MAPK8IP3: variants seen among roughly 807,000 people sequenced by gnomAD.
MAPK8IP3 encodes C-Jun-amino-terminal kinase-interacting protein 3.
A neutral mutation model predicts 157.8 loss-of-function variants in MAPK8IP3; 49 were observed. The observed-to-expected ratio is 0.31, with a 90% CI of 0.25 to 0.39. The LOEUF is 0.39. Ranked by LOEUF, MAPK8IP3 falls within the 10% of genes least tolerant of loss-of-function variation. The pLI is 1.00. For missense variants in MAPK8IP3, 1,478 were observed against 1,889.4 expected (o/e 0.78, Z 4.04); for synonymous variants, 897 against 777.7 (o/e 1.15, Z -2.55).
In MAPK8IP3 at chr16:1,724,507, G is replaced by T. The variant is rs374778001; in HGVS notation, c.319-50G>T. 22 of 1,595,078 alleles carry T rather than the reference G, an allele frequency of 1.4e-5. No individual in the cohort carries two copies. Among genetic ancestry groups the T allele is most frequent in the Non-Finnish European group, 1.4e-5 (16 of 1,169,158 alleles). ...GCGGCCCTTCAAGTGAAAGGCGGCTGCTCCACACTCACTCCTGATGACTGC... is the reference window on the plus strand; with the variant it reads ...GCGGCCCTTCAAGTGAAAGGCGGCTTCTCCACACTCACTCCTGATGACTGC... On this transcript the variant is annotated intron_variant, in intron 1 of 31. Transcript: ENST00000610761. This position sits in a 1 kb window ranked among gnomAD's most constrained non-coding sequence, Gnocchi z 4.1.
At chr16:1,750,727 C>T (rs1241721071) in intron 8 of MAPK8IP3, among the ~76,000 whole-genome samples, 1 of 151,840 alleles carries the variant, frequency 6.6e-6, no homozygotes, top group Non-Finnish European at 1.5e-5. Context: ...TCACTGCAAC[C>T]TCTGCCTTCC....
At chr16:1,755,524 G>C (rs146111902) in intron 8 of MAPK8IP3, among the ~76,000 whole-genome samples, 6 of 152,128 alleles carry the variant, frequency 3.9e-5, no homozygotes, top group African/African-American at 1.4e-4. Context: ...CCCTGTCTCA[G>C]AAAAATAAGA....
At chr16:1,766,836 C>T (rs373480176) in intron 24 of MAPK8IP3, 33 bp downstream of exon 24, 55 of 1,612,128 alleles carry the variant, frequency 3.4e-5, no homozygotes, top group Non-Finnish European at 4.2e-5. Flanking sequence ...CCGGGCGGCG[C>T]GGGGGAACGG....
chr16:1,750,836 G>C (rs1343045612), intron 8 of MAPK8IP3, among the ~76,000 whole-genome samples: 2 of 151,918 alleles, frequency 1.3e-5, no homozygotes, highest in Non-Finnish European at 2.9e-5. Flanking sequence ...AGTAGAGATG[G>C]GGTTTCACAG....
At chr16:1,729,883 G>A (rs1488279855) in intron 4 of MAPK8IP3, among the ~76,000 whole-genome samples, 2 of 152,046 alleles carry the variant, frequency 1.3e-5, no homozygotes, top group African/African-American at 4.8e-5. Flanking sequence ...CACAGATTCT[G>A]TGTTTGCAAA....
At chr16:1,736,849 CGTGT>C (rs1252912266) in intron 4 of MAPK8IP3, among the ~76,000 whole-genome samples, 2 of 58,314 alleles carry the variant, frequency 3.4e-5, no homozygotes, top group African/African-American at 7.2e-5. Flanking sequence ...TGTGACCGTC[CGTGT>C]GTGACCGTCC....
At chr16:1,761,907 G>C (rs182157617) in intron 13 of MAPK8IP3, among the ~76,000 whole-genome samples, 168 of 152,280 alleles carry the variant, frequency 1.1e-3, no homozygotes, top group African/African-American at 3.4e-3. Context: ...ACTCACCGGC[G>C]CTTCTGTCTC....
chr16:1,758,015 C>A, intron 8 of MAPK8IP3, 133 bp from the exon 9 acceptor site: 1 of 892,042 alleles, frequency 1.1e-6, no homozygotes, highest in Non-Finnish European at 1.8e-6. Context: ...CCCTCTCTCT[C>A]CTGCCCTGCA....
chr16:1,758,316 A>C (rs2041737768), intron 9 of MAPK8IP3, among the ~76,000 whole-genome samples, 157 bp downstream of exon 9: 1 of 152,148 alleles, frequency 6.6e-6, no homozygotes, highest in African/African-American at 2.4e-5. Context: ...GCCGCTCGGA[A>C]GCTTGTTCGG....
intron 1 of MAPK8IP3, among the ~76,000 whole-genome samples, chr16:1,717,947 G>A (rs1278535445): frequency 2.0e-5 from 3 of 151,990 alleles, no homozygotes; most frequent in African/African-American, 7.2e-5. Context: ...CGCCTCCCAG[G>A]TTCCTGCCAT....
Position 1,743,573 on chromosome 16 carries a change from G to A in MAPK8IP3, c.747+97G>A. The A allele has an allele frequency of 1.3e-6, 2 of 1,508,756 alleles. No homozygotes were observed. The highest frequency in any genetic ancestry group is 8.8e-7 in the Non-Finnish European group (1 of 1,139,586). 93.5% of individuals were successfully genotyped at this position (1,508,756 alleles called of 1,614,324 possible). ...CCTCGTCTGCAGGCAGCCCTTCACG[G>A]CTCTCTGGGCCACTCGCCCTCTCCC... On this transcript the variant is annotated intron_variant, in intron 5 of 31. Coordinates refer to ENST00000610761, the MANE Select transcript of MAPK8IP3 (RefSeq NM_001318852.2). This position sits in a 1 kb window ranked among gnomAD's most constrained non-coding sequence, Gnocchi z 5.6.
In MAPK8IP3 at chr16:1,724,478, G is replaced by C; in HGVS notation, c.319-79G>C. On this transcript the variant is annotated intron_variant, in intron 1 of 31. Transcript: ENST00000610761. The surrounding 1 kb of genome is among the most constrained non-coding windows in gnomAD (Gnocchi z 4.1). The stretch of plus-strand genomic sequence containing the variant: ...CATCTTTGGCCCCTGGGCCCTCAAA[G>C]CCTGCGGCCCTTCAAGTGAAAGGCG... 6.4e-7 allele frequency: 1 copy of C among 1,553,650 alleles called. No individual in the cohort carries two copies. Among genetic ancestry groups the C allele is most frequent in the Admixed American group, 1.8e-5 (1 of 56,744 alleles).
At position 1,766,792 on chromosome 16, in the gene MAPK8IP3, G is replaced by A. The variant is rs1047868100; in HGVS notation, c.3009G>A (p.Val1003=). 3 of 1,612,760 alleles carry A rather than the reference G, an allele frequency of 1.9e-6. No homozygotes were observed. Among genetic ancestry groups the A allele is most frequent in the Non-Finnish European group, 2.5e-6 (3 of 1,179,936 alleles). Residue 1003 remains valine (V), a synonymous_variant, in exon 24 of 32, where the codon GTG becomes GTA. Coordinates refer to ENST00000610761, the MANE Select transcript of MAPK8IP3 (RefSeq NM_001318852.2). ...CLHSIKLKDS[V]LSLVHVKGRV... ...ACTCCATCAAGCTGAAGGATTCTGT[G>A]CTGAGCCTGGTGTGGGTGACCCCAG...
Position 1,768,113 on chromosome 16 carries a change from C to T in MAPK8IP3, c.3562+6C>T, listed in dbSNP as rs1305572270. 3 of 1,612,124 alleles carry T rather than the reference C, an allele frequency of 1.9e-6. No homozygotes were observed. The highest frequency in any genetic ancestry group is 1.7e-5 in the Admixed American group (1 of 60,020). The stretch of plus-strand genomic sequence containing the variant: ...CCAGCTCCTGGGGCTCCGAGGTAAG[C>T]CCAGCCACCTCGTGTCCCCTCACGG... On this transcript the variant is annotated splice_donor_region_variant and intron_variant, in intron 29 of 31. Coordinates refer to ENST00000610761, the MANE Select transcript of MAPK8IP3 (RefSeq NM_001318852.2).
At chr16:1,737,414 G>A (rs1262453686) in intron 4 of MAPK8IP3, among the ~76,000 whole-genome samples, 6 of 111,240 alleles carry the variant, frequency 5.4e-5, no homozygotes, top group Non-Finnish European at 9.3e-5. Flanking sequence ...GTGACCGTCC[G>A]TGTGAGCGTC....
At position 1,764,278 on chromosome 16, in the gene MAPK8IP3, C is replaced by T. The variant is rs200249837; in HGVS notation, c.2122-23C>T. On this transcript the variant is annotated intron_variant, in intron 18 of 31. Transcript: ENST00000610761. Reference sequence around the variant, plus strand: ...GAGGCTGGGGAGTGCCGGTGACACCCGACCTCGGCCCTGCCCTTGCAGCTG... The same window carrying T: ...GAGGCTGGGGAGTGCCGGTGACACCTGACCTCGGCCCTGCCCTTGCAGCTG... 2.5e-5 allele frequency: 40 copies of T among 1,585,232 alleles called. No homozygotes were observed. The Admixed American group carries it at 6.1e-4, about 24-fold the overall frequency.
rs201443607 is a variant in MAPK8IP3 at position 1,764,431 on chromosome 16, G to C, written c.2252G>C (p.Ser751Thr). The change falls in exon 19 of 32, where the codon AGC becomes ACC. Residue 751 changes from serine (S) to threonine (T), a missense_variant. Transcript: ENST00000610761. Reference sequence around the variant, plus strand: ...CGCGAAGGAGACGGCGAGCCCAAGAGCGCCCACACGTCTCCCGAGAAGAAG... The same window carrying C: ...CGCGAAGGAGACGGCGAGCCCAAGACCGCCCACACGTCTCCCGAGAAGAAG... ...CDREGDGEPK[S>T]AHTSPEKKKA... The C allele has an allele frequency of 5.0e-5, 81 of 1,607,884 alleles. No homozygotes were observed. Among genetic ancestry groups the C allele is most frequent in the Non-Finnish European group, 1.2e-5 (14 of 1,178,798 alleles).
At chr16:1,718,646 T>C (rs1429095829) in intron 1 of MAPK8IP3, among the ~76,000 whole-genome samples, 1 of 151,770 alleles carries the variant, frequency 6.6e-6, no homozygotes, top group Non-Finnish European at 1.5e-5. Context: ...ATACAAAAAT[T>C]AGCCGGGCAT....
chr16:1,728,031 G>A (rs545686549), intron 2 of MAPK8IP3, among the ~76,000 whole-genome samples: 46 of 152,370 alleles, frequency 3.0e-4, no homozygotes, highest in East Asian at 5.8e-4. Context: ...ACCTCGTGGC[G>A]TCAGCCCTCC....
Sources: allele counts gnomAD v4.1 joint callset (sites outside exome capture counted in the v4.1 genomes callset), GRCh38; gene constraint gnomAD v4.1.1; non-coding constraint Gnocchi (gnomAD v3.1); transcripts MANE v1.5; gene names NCBI Gene and HGNC (gene_info 2026-07-23, HGNC 2026-07-21).